SHOC2: variants seen among roughly 807,000 people sequenced by gnomAD.
SHOC2 encodes leucine-rich repeat protein SHOC-2.
SHOC2 carries 4 observed loss-of-function variants against 50.2 expected under a neutral mutation model. That is an observed-to-expected ratio of 0.08 (90% CI 0.04 to 0.18). The LOEUF is 0.18. Ranked by LOEUF, SHOC2 falls within the 10% of genes least tolerant of loss-of-function variation. The pLI, the probability that SHOC2 is intolerant of heterozygous loss-of-function variation, is 1.00. For missense variants in SHOC2, 388 were observed against 669.6 expected, an observed-to-expected ratio of 0.58 and a Z score of 4.64; for synonymous variants, 218 against 244.5, an observed-to-expected ratio of 0.89 and a Z score of 1.01.
At position 110,947,956 on chromosome 10, in the gene SHOC2, T is replaced by A. The variant is rs77003457; in HGVS notation, c.-234-16169T>A. On this transcript the variant is annotated intron_variant, in intron 1 of 8. Transcript: ENST00000369452. ...TTTTTAAAATATATTTTTCAAAAGA[T>A]CCTACAGTATTATGCCTAAAAGAGA... 6.5e-3 allele frequency among the ~76,000 whole-genome samples: 992 copies of A among 152,250 alleles called. 9 individuals are homozygous for A. The highest frequency in any genetic ancestry group is 0.023 in the African/African-American group (950 of 41,558).
At chr10:110,990,262 G>C (rs914160450) in intron 3 of SHOC2, among the ~76,000 whole-genome samples, 1 of 152,214 alleles carries the variant, frequency 6.6e-6, no homozygotes, top group Non-Finnish European at 1.5e-5. Context: ...TTTATGTCTA[G>C]CTCAGGGATT....
intron 1 of SHOC2, among the ~76,000 whole-genome samples, chr10:110,940,780 C>T (rs1282973582): frequency 1.3e-5 from 2 of 151,948 alleles, no homozygotes; most frequent in African/African-American, 4.8e-5. Context: ...AACCTGGCCA[C>T]TTGGATAATT....
intron 3 of SHOC2, among the ~76,000 whole-genome samples, chr10:110,998,056 T>C (rs1848300662): frequency 6.6e-6 from 1 of 151,310 alleles, no homozygotes; most frequent in South Asian, 2.1e-4. Context: ...TGGAGTGCAA[T>C]GGCACAATCT....
intron 1 of SHOC2, among the ~76,000 whole-genome samples, chr10:110,953,025 A>T (rs566871584): frequency 6.6e-6 from 1 of 152,330 alleles, no homozygotes; most frequent in African/African-American, 2.4e-5. Context: ...TGCAGTAAAC[A>T]TATGTGTGCA....
chr10:110,988,904 G>T, intron 3 of SHOC2: 2 of 469,658 alleles, frequency 4.3e-6, no homozygotes. Flanking sequence ...TTACCCTTTT[G>T]TTTCTTCTGT....
chr10:110,980,745 A>G (rs1473053025), intron 2 of SHOC2, among the ~76,000 whole-genome samples: 1 of 150,100 alleles, frequency 6.7e-6, no homozygotes, highest in Admixed American at 6.6e-5. Flanking sequence ...TCCTCTCCTT[A>G]TTGCTTATTT....
chr10:110,972,862 T>C (rs1847809040), intron 2 of SHOC2, among the ~76,000 whole-genome samples: 1 of 151,728 alleles, frequency 6.6e-6, no homozygotes, highest in African/African-American at 2.4e-5. Context: ...CACAGAAAAA[T>C]AGTACTTGAA....
At chr10:110,936,942 C>G in intron 1 of SHOC2, 1 of 1,414,012 alleles carries the variant, frequency 7.1e-7, no homozygotes, top group South Asian at 1.2e-5. Context: ...CGGTCCAGAG[C>G]GGCCTGGCCT....
intron 1 of SHOC2, among the ~76,000 whole-genome samples, chr10:110,946,374 A>G (rs1010475890): frequency 6.7e-6 from 1 of 149,732 alleles, no homozygotes; most frequent in Non-Finnish European, 1.5e-5. Context: ...AGTATTGGCC[A>G]GGTTCTAGGC....
chr10:110,942,106 A>G (rs930734065), intron 1 of SHOC2, among the ~76,000 whole-genome samples: 13 of 142,312 alleles, frequency 9.1e-5, no homozygotes, highest in Non-Finnish European at 1.7e-4. Context: ...CCCACGTGTG[A>G]TTTTGATTCA....
chr10:111,002,896 TAA>T (rs1221331721), intron 4 of SHOC2, among the ~76,000 whole-genome samples: 1 of 152,210 alleles, frequency 6.6e-6, no homozygotes. Flanking sequence ...CATTTTATCA[TAA>T]GAGTCAATTC....
At position 111,007,565 on chromosome 10, in the gene SHOC2, G is replaced by C. The variant is rs1262659510; in HGVS notation, c.1196G>C (p.Gly399Ala). ...NQLTSLPLDFGTWTSMVELNL... is the reference protein window; with the variant it reads ...NQLTSLPLDFATWTSMVELNL... ...TTAACATCACTTCCCTTGGATTTTG[G>C]AACTTGGACCAGTATGGTAGAATTG... The change falls in exon 6 of 9, where the codon GGA becomes GCA. Residue 399 changes from glycine to alanine, a missense_variant. Gly to Ala is a moderately conservative substitution (Grantham distance 60, BLOSUM62 0). Around this residue, in one of 5 missense-constraint regions of SHOC2, gnomAD observed 48 missense variants for 151.6 expected, o/e 0.32. Transcript: ENST00000369452. The C allele has an allele frequency of 6.2e-7, 1 of 1,613,610 alleles. No individual in the cohort carries two copies. Among genetic ancestry groups the C allele is most frequent in the Admixed American group, 1.7e-5 (1 of 59,998 alleles).
chr10:110,985,505 TA>T, intron 2 of SHOC2, 122 bp from the exon 3 acceptor site: 1 of 672,864 alleles, frequency 1.5e-6, no homozygotes, highest in South Asian at 2.2e-5. Context: ...GTTGCCTATC[TA>T]ATAAGGTTAT....
At chr10:111,007,482 A>G in intron 5 of SHOC2, 49 bp from the exon 6 acceptor site, 3 of 1,605,836 alleles carry the variant, frequency 1.9e-6, no homozygotes, top group Non-Finnish European at 2.6e-6. Flanking sequence ...TATATATAGA[A>G]CTTTGTTTTT....
intron 1 of SHOC2, among the ~76,000 whole-genome samples, chr10:110,940,910 G>GTTTTGTTTTTTTTTTTTTTTTT (rs1847125939): frequency 8.4e-6 from 1 of 119,504 alleles, no homozygotes; most frequent in Non-Finnish European, 1.7e-5. Flanking sequence ...TTTGTGGTGG[G>GTTTTGTTTTTTTTTTTTTTTTT]TTTTTTTTTT....
chr10:110,930,653 C>G (rs911754083), intron 1 of SHOC2, among the ~76,000 whole-genome samples: 1 of 147,284 alleles, frequency 6.8e-6, no homozygotes, highest in Non-Finnish European at 1.5e-5. Flanking sequence ...TAAAGTATAT[C>G]TTGGGAATAC....
At chr10:110,952,523 C>T (rs550705743) in intron 1 of SHOC2, among the ~76,000 whole-genome samples, 74 of 152,158 alleles carry the variant, frequency 4.9e-4, no homozygotes, top group Middle Eastern at 3.4e-3. Context: ...ATCCCTCACT[C>T]CCCCAACCCC....
chr10:110,987,662 T>C (rs1161995241), intron 3 of SHOC2, among the ~76,000 whole-genome samples: 1 of 152,170 alleles, frequency 6.6e-6, no homozygotes, highest in Non-Finnish European at 1.5e-5. Flanking sequence ...AGCACAATTA[T>C]TTCATGCTTT....
rs184331025 is a variant in SHOC2 at position 110,975,023 on chromosome 10, C to T, written c.703+9962C>T. On this transcript the variant is annotated intron_variant, in intron 2 of 8. Transcript: ENST00000369452. ...TCAGCTTCTTGATATTAATTAACAT[C>T]CTATATAACCATTGTATAGTGATCA... 8.6e-3 allele frequency among the ~76,000 whole-genome samples: 1,311 copies of T among 152,188 alleles called. 19 individuals carry two copies. Among genetic ancestry groups the T allele is most frequent in the Middle Eastern group, 0.014 (4 of 294 alleles).
Sources: gnomAD v4.1 joint callset for allele counts (sites outside exome capture counted in the v4.1 genomes callset) on GRCh38, gnomAD v4.1.1 for gene constraint, gnomAD v4.1.1 regional missense constraint, MANE v1.5 for transcripts, NCBI Gene and HGNC (gene_info 2026-07-23, HGNC 2026-07-21) for gene names.